B3GLCT: variants seen among roughly 807,000 people sequenced by gnomAD.
B3GLCT encodes beta 3-glucosyltransferase, also known as beta-1,3-glucosyltransferase.
A neutral mutation model predicts 63.4 loss-of-function variants in B3GLCT; 65 were observed. The ratio of observed to expected loss-of-function variants is 1.03; its 90% CI spans 0.84 to 1.26. B3GLCT has a LOEUF of 1.26. B3GLCT is among the 50% of genes most tolerant of loss of function. The pLI is 0.00. For missense variants in B3GLCT, 577 were observed against 604.8 expected (o/e 0.95, Z 0.48); for synonymous variants, 233 against 219.2 (o/e 1.06, Z -0.55).
Position 31,234,748 on chromosome 13 carries a change from A to T in B3GLCT, c.270+5454A>T, listed in dbSNP as rs80226684. ...GGGCCCTCCTGGTATTCTGAGGTGTATCTCTTTGGTATACAGGTGTTTAGC... is the reference window on the plus strand; with the variant it reads ...GGGCCCTCCTGGTATTCTGAGGTGTTTCTCTTTGGTATACAGGTGTTTAGC... On this transcript the variant is annotated intron_variant, in intron 4 of 14. Transcript: ENST00000343307. Among the ~76,000 whole-genome samples the T allele has an allele frequency of 4.8e-3, 736 of 152,172 alleles. 6 individuals are homozygous for T. The highest frequency in any genetic ancestry group is 0.017 in the African/African-American group (718 of 41,504).
At chr13:31,224,673 T>C (rs1593255214) in intron 3 of B3GLCT, among the ~76,000 whole-genome samples, 3 of 152,278 alleles carry the variant, frequency 2.0e-5, no homozygotes, top group Admixed American at 2.0e-4. Flanking sequence ...TTCACTAGTA[T>C]ATGATTATTC....
chr13:31,235,879 G>T (rs912509145), intron 4 of B3GLCT, among the ~76,000 whole-genome samples: 25 of 152,200 alleles, frequency 1.6e-4, no homozygotes, highest in African/African-American at 4.8e-4. Flanking sequence ...CTGTGAATTT[G>T]ATTTTTCTGG....
chr13:31,319,233 C>T (rs749043747), intron 13 of B3GLCT, among the ~76,000 whole-genome samples: 9 of 152,334 alleles, frequency 5.9e-5, no homozygotes, highest in South Asian at 4.1e-4. Context: ...CTGTGCTCAG[C>T]GTCTACCCTG....
At chr13:31,275,632 C>A (rs1214996019) in intron 9 of B3GLCT, among the ~76,000 whole-genome samples, 5 of 152,104 alleles carry the variant, frequency 3.3e-5, no homozygotes, top group Non-Finnish European at 1.5e-5. Flanking sequence ...CAAGGTCCAG[C>A]CCCAGTATGA....
At chr13:31,291,571 A>T (rs1053970932) in intron 12 of B3GLCT, among the ~76,000 whole-genome samples, 1 of 152,034 alleles carries the variant, frequency 6.6e-6, no homozygotes. Flanking sequence ...TAGGTATTTT[A>T]TTCTTGTTGT....
intron 8 of B3GLCT, among the ~76,000 whole-genome samples, chr13:31,272,218 CTTTTT>C (rs11433454): frequency 7.3e-6 from 1 of 136,248 alleles, no homozygotes. Context: ...TCTATTTTTC[CTTTTT>C]TTTTTTTTTT....
At chr13:31,224,150 T>A (rs1869972985) in intron 3 of B3GLCT, among the ~76,000 whole-genome samples, 1 of 151,914 alleles carries the variant, frequency 6.6e-6, no homozygotes, top group South Asian at 2.1e-4. Context: ...CAGGGGAGTG[T>A]TTTGGGGTCT....
At chr13:31,264,861 A>T (rs1049015646) in intron 7 of B3GLCT, among the ~76,000 whole-genome samples, 1 of 152,252 alleles carries the variant, frequency 6.6e-6, no homozygotes, top group African/African-American at 2.4e-5. Flanking sequence ...AATAGGAAGC[A>T]ACTCAAACTG....
At position 31,302,362 on chromosome 13, in the gene B3GLCT, C is replaced by T. The variant is rs886687468; in HGVS notation, c.1065-15204C>T. ...ATAGGAACAGCTCCGGTCTACAGCT[C>T]CCAGCGTGAGCGACGCAGAAGACGG... is the stretch of plus-strand genomic sequence containing the variant. On this transcript the variant is annotated intron_variant, in intron 12 of 14. Coordinates refer to ENST00000343307, the MANE Select transcript of B3GLCT (RefSeq NM_194318.4). Among the ~76,000 whole-genome samples the T allele has an allele frequency of 1.2e-4, 18 of 151,888 alleles. 1 individual carries two copies. Among genetic ancestry groups the T allele is most frequent in the Non-Finnish European group, 2.2e-4 (15 of 67,954 alleles).
rs1362914292 is a variant in B3GLCT, at chr13:31,331,707, A to G, written c.*2039A>G. On this transcript the variant is annotated 3_prime_UTR_variant, in exon 15 of 15. Coordinates refer to ENST00000343307, the MANE Select transcript of B3GLCT (RefSeq NM_194318.4). ...CATCAGAAATTGATAATGTTTATAT[A>G]AAGTTTATAAAGCCATTGTGTTTTG... 2.0e-5 allele frequency: 3 copies of G among 152,246 alleles called. No homozygotes were observed. The highest frequency in any genetic ancestry group is 4.8e-5 in the African/African-American group (2 of 41,472). The allele number at this position is 152,246 out of a possible 1,614,324, so 9.4% of individuals were successfully genotyped here.
chr13:31,212,704 G>A (rs115637446), intron 1 of B3GLCT, among the ~76,000 whole-genome samples: 211 of 152,282 alleles, frequency 1.4e-3, no homozygotes, highest in African/African-American at 4.9e-3. Flanking sequence ...GAGCCACCAC[G>A]CTCAGTGGGA....
At chr13:31,234,942 A>G (rs1422021794) in intron 4 of B3GLCT, among the ~76,000 whole-genome samples, 1 of 152,048 alleles carries the variant, frequency 6.6e-6, no homozygotes, top group Non-Finnish European at 1.5e-5. Context: ...GCATTAAGAG[A>G]GCCAGGACTG....
At chr13:31,251,110 T>G (rs1231467342) in intron 6 of B3GLCT, among the ~76,000 whole-genome samples, 4 of 152,138 alleles carry the variant, frequency 2.6e-5, no homozygotes, top group Non-Finnish European at 5.9e-5. Context: ...CCAGCAGACC[T>G]GTAGCAGGGG....
intron 12 of B3GLCT, chr13:31,312,588 A>C (rs906113169): frequency 6.6e-6 from 1 of 152,216 alleles, no homozygotes; most frequent in African/African-American, 2.4e-5. Context: ...TATAGTAGAA[A>C]AGTTAAAAGA....
At chr13:31,271,242 C>T (rs1483333817) in intron 8 of B3GLCT, among the ~76,000 whole-genome samples, 2 of 152,234 alleles carry the variant, frequency 1.3e-5, no homozygotes, top group Non-Finnish European at 2.9e-5. Context: ...CTGTCTCCCA[C>T]CTCTATCACA....
intron 12 of B3GLCT, among the ~76,000 whole-genome samples, chr13:31,315,068 G>A (rs1224236474): frequency 6.6e-6 from 1 of 152,216 alleles, no homozygotes; most frequent in Non-Finnish European, 1.5e-5. Flanking sequence ...GGAACTGTAA[G>A]TTAAATTAAA....
rs1298520351 is a variant in B3GLCT, at chr13:31,247,047, C to T, written c.295C>T (p.His99Tyr). The T allele has an allele frequency of 3.7e-6, 6 of 1,611,500 alleles. No individual in the cohort carries two copies. Among genetic ancestry groups the T allele is most frequent in the Non-Finnish European group, 5.1e-6 (6 of 1,179,458 alleles). The change falls in exon 5 of 15, where the codon CAT becomes TAT. Residue 99 changes from histidine (H) to tyrosine (Y), a missense_variant. By Grantham distance (83) the His-to-Tyr change is moderately conservative. Transcript: ENST00000343307. ...TQELPSVLLL[H>Y]QLAKQEGAWT... ...GGAGCTCCCCAGTGTCCTCCTCCTT[C>T]ATCAGCTGGCTAAACAAGAAGGTGC...
At chr13:31,231,170 C>CT in intron 4 of B3GLCT, among the ~76,000 whole-genome samples, 1 of 152,040 alleles carries the variant, frequency 6.6e-6, no homozygotes, top group Non-Finnish European at 1.5e-5. Context: ...GGTGGCCACG[C>CT]GCAGGCTGCT....
At chr13:31,230,956 T>A (rs1870349586) in intron 4 of B3GLCT, among the ~76,000 whole-genome samples, 1 of 152,052 alleles carries the variant, frequency 6.6e-6, no homozygotes, top group African/African-American at 2.4e-5. Context: ...TGCAGTGAAC[T>A]GAGATCGCGC....
Sources: gnomAD v4.1 joint callset for allele counts (sites outside exome capture counted in the v4.1 genomes callset) on GRCh38, gnomAD v4.1.1 for gene constraint, MANE v1.5 for transcripts, NCBI Gene and HGNC (gene_info 2026-07-23, HGNC 2026-07-21) for gene names.